ABTB2: variants seen among roughly 807,000 people sequenced by gnomAD.
ABTB2 encodes ankyrin repeat and BTB/POZ domain-containing protein 2.
A neutral mutation model predicts 104.1 loss-of-function variants in ABTB2; 56 were observed. The ratio of observed to expected loss-of-function variants is 0.54; its 90% CI spans 0.43 to 0.67. ABTB2 has a LOEUF of 0.67. Ranked by LOEUF, ABTB2 falls within the 30% of genes least tolerant of loss-of-function variation. The pLI, the probability that ABTB2 is intolerant of heterozygous loss-of-function variation, is 0.00. For synonymous variants in ABTB2, 606 were observed against 608.2 expected, an observed-to-expected ratio of 1.00 and a Z score of 0.05; for missense variants, 1,279 against 1,407.7, an observed-to-expected ratio of 0.91 and a Z score of 1.46.
At chr11:34,299,324 C>G (rs962713039) in intron 1 of ABTB2, among the ~76,000 whole-genome samples, 20 of 151,976 alleles carry the variant, frequency 1.3e-4, no homozygotes, top group African/African-American at 4.6e-4. Context: ...TGGTCATGGA[C>G]CAAAGAAAAT....
At chr11:34,312,198 T>C (rs180938176) in intron 1 of ABTB2, among the ~76,000 whole-genome samples, 90 of 150,508 alleles carry the variant, frequency 6.0e-4, no homozygotes, top group Non-Finnish European at 3.0e-5. Flanking sequence ...AACAAGCAGG[T>C]GGTTCTGCCT....
chr11:34,345,788 A>T (rs550291311), intron 1 of ABTB2, among the ~76,000 whole-genome samples: 5 of 152,342 alleles, frequency 3.3e-5, no homozygotes, highest in Admixed American at 1.3e-4. Flanking sequence ...GTCCCCATGT[A>T]CAACTTTAAT....
chr11:34,209,987 G>A (rs1038560657), intron 1 of ABTB2, among the ~76,000 whole-genome samples: 7 of 151,950 alleles, frequency 4.6e-5, no homozygotes, highest in African/African-American at 1.7e-4. Context: ...GTGCCACTGA[G>A]TTAGAAGGGA....
chr11:34,180,730 G>T (rs1009668808), intron 3 of ABTB2, among the ~76,000 whole-genome samples: 1 of 152,174 alleles, frequency 6.6e-6, no homozygotes, highest in African/African-American at 2.4e-5. Flanking sequence ...GCTGCAATAG[G>T]GATGCTAGAC....
At chr11:34,213,341 G>A (rs1338455714) in intron 1 of ABTB2, among the ~76,000 whole-genome samples, 2 of 152,284 alleles carry the variant, frequency 1.3e-5, no homozygotes, top group South Asian at 2.1e-4. Flanking sequence ...TTAGCCGGGC[G>A]TGGTGGCAGG....
At chr11:34,187,890 G>A (rs1406982912) in intron 3 of ABTB2, among the ~76,000 whole-genome samples, 1 of 152,176 alleles carries the variant, frequency 6.6e-6, no homozygotes, top group African/African-American at 2.4e-5. Flanking sequence ...GAGAAGACAT[G>A]CATGTTGAGA....
At chr11:34,293,601 T>C (rs754674924) in intron 1 of ABTB2, among the ~76,000 whole-genome samples, 1 of 151,968 alleles carries the variant, frequency 6.6e-6, no homozygotes, top group Non-Finnish European at 1.5e-5. Flanking sequence ...AAGGAATAAG[T>C]GCCCAGCTGT....
At chr11:34,300,096 A>G (rs1854682559) in intron 1 of ABTB2, among the ~76,000 whole-genome samples, 1 of 152,148 alleles carries the variant, frequency 6.6e-6, no homozygotes, top group Non-Finnish European at 1.5e-5. Context: ...GTTCTCTTTT[A>G]TGGCTCTTAA....
chr11:34,288,259 T>A (rs1021944153), intron 1 of ABTB2, among the ~76,000 whole-genome samples: 4 of 152,218 alleles, frequency 2.6e-5, no homozygotes, highest in Non-Finnish European at 1.5e-5. Flanking sequence ...CTACAGCCTA[T>A]CATTTACATT....
rs749329209 is a variant in ABTB2, at chr11:34,154,654, C to T, written c.2766+47G>A. The T allele has an allele frequency of 1.3e-5, 21 of 1,596,252 alleles. No homozygotes were observed. The Admixed American group carries it at 2.2e-4, about 17-fold the overall frequency. ...GAAGGGGGTGAATGGGAGACCGAGC[C>T]GCTGGGCACCCTAGCCCAGGCCCCC... On this transcript the variant is annotated intron_variant, in intron 15 of 16. Transcript: ENST00000435224. The surrounding 1 kb of genome is among the most constrained non-coding windows in gnomAD (Gnocchi z 4.9).
intron 1 of ABTB2, among the ~76,000 whole-genome samples, chr11:34,346,062 G>T (rs1042344399): frequency 6.6e-6 from 1 of 152,180 alleles, no homozygotes; most frequent in Admixed American, 6.5e-5. Flanking sequence ...ATACCTCGGA[G>T]CATGGAGCTC....
chr11:34,285,824 T>C (rs1238297929), intron 1 of ABTB2, among the ~76,000 whole-genome samples: 1 of 152,202 alleles, frequency 6.6e-6, no homozygotes, highest in African/African-American at 2.4e-5. Flanking sequence ...TTTACTCCGT[T>C]GTTTCTTCTT....
chr11:34,170,555 A>T (rs1852858673), intron 5 of ABTB2, among the ~76,000 whole-genome samples: 3 of 152,230 alleles, frequency 2.0e-5, no homozygotes, highest in Non-Finnish European at 4.4e-5. Context: ...TGCCCTGGCA[A>T]GTAGTTGGCA....
At chr11:34,343,997 G>A (rs541964185) in intron 1 of ABTB2, among the ~76,000 whole-genome samples, 1 of 152,118 alleles carries the variant, frequency 6.6e-6, no homozygotes, top group Non-Finnish European at 1.5e-5. Context: ...CTGAGCAGCC[G>A]AGGTCAAAGC....
At chr11:34,339,290 C>T (rs1037755618) in intron 1 of ABTB2, among the ~76,000 whole-genome samples, 3 of 152,080 alleles carry the variant, frequency 2.0e-5, no homozygotes, top group Non-Finnish European at 4.4e-5. Context: ...CAGCCAGCTC[C>T]GGCAATGAGT....
chr11:34,182,399 T>A (rs1007759137), intron 3 of ABTB2, among the ~76,000 whole-genome samples: 1 of 149,634 alleles, frequency 6.7e-6, no homozygotes, highest in Non-Finnish European at 1.5e-5. Context: ...CCTCATCTCC[T>A]CCAGCAGCCA....
At chr11:34,279,308 C>T (rs937421888) in intron 1 of ABTB2, among the ~76,000 whole-genome samples, 2 of 152,180 alleles carry the variant, frequency 1.3e-5, no homozygotes, top group Non-Finnish European at 2.9e-5. Context: ...TGCTATGTTG[C>T]CAAGGCTGGT....
Position 34,343,536 on chromosome 11 carries a change from G to A in ABTB2, c.883+13165C>T, listed in dbSNP as rs550545705. 2.0e-5 allele frequency among the ~76,000 whole-genome samples: 3 copies of A among 152,126 alleles called. No individual in the cohort carries two copies. In the South Asian group the frequency reaches 6.2e-4, roughly 32 times the overall value. On this transcript the variant is annotated intron_variant, in intron 1 of 16. Coordinates refer to ENST00000435224, the MANE Select transcript of ABTB2 (RefSeq NM_145804.3). ...GTTGCTCAGGCTGGAGTGTGGTGGT[G>A]TGATCTGCGCTCACTGCAACCTCTG... is the stretch of plus-strand genomic sequence containing the variant.
intron 14 of ABTB2, among the ~76,000 whole-genome samples, chr11:34,156,600 C>T (rs914510048): frequency 2.6e-5 from 4 of 151,874 alleles, no homozygotes; most frequent in East Asian, 1.9e-4. Context: ...CTCGGCTCAC[C>T]GCAACCTCCA....
Sources: gnomAD v4.1 joint callset for allele counts (sites outside exome capture counted in the v4.1 genomes callset) on GRCh38, gnomAD v4.1.1 for gene constraint, Gnocchi (gnomAD v3.1) non-coding constraint, MANE v1.5 for transcripts, NCBI Gene and HGNC (gene_info 2026-07-23, HGNC 2026-07-21) for gene names.